SLX9: variants seen among roughly 807,000 people sequenced by gnomAD.
SLX9 encodes the protein ribosome biogenesis protein SLX9 homolog.
A neutral mutation model predicts 20.8 loss-of-function variants in SLX9; 19 were observed. The ratio of observed to expected loss-of-function variants is 0.91; its 90% CI spans 0.64 to 1.34. The LOEUF (loss-of-function observed/expected upper bound fraction) is 1.34, where lower values mean the gene tolerates loss of function less well. SLX9 is among the 40% of genes most tolerant of loss of function. The probability of loss-of-function intolerance (pLI) is 0.00; values close to 1 mark genes in which losing one functional copy is unlikely to be tolerated. For synonymous variants in SLX9, 113 were observed against 137.1 expected (o/e 0.82, Z 1.23); for missense variants, 299 against 322.2 (o/e 0.93, Z 0.55).
intron 2 of SLX9, among the ~76,000 whole-genome samples, chr21:44,948,956 C>T (rs1003400795): frequency 1.4e-4 from 21 of 152,344 alleles, no homozygotes; most frequent in African/African-American, 4.3e-4. Flanking sequence ...CCTCAGCCCC[C>T]GCCTTGGCTT....
chr21:44,961,590 A>G (rs1381932599), intron 3 of SLX9, among the ~76,000 whole-genome samples: 1 of 152,196 alleles, frequency 6.6e-6, no homozygotes, highest in African/African-American at 2.4e-5. Context: ...TTGTCTCTAA[A>G]TAATGTTAAT....
At chr21:44,964,742 G>A (rs1289288435) in intron 3 of SLX9, among the ~76,000 whole-genome samples, 3 of 152,152 alleles carry the variant, frequency 2.0e-5, no homozygotes, top group Non-Finnish European at 4.4e-5. Flanking sequence ...TCGAACACTC[G>A]ATATTATGAA....
chr21:44,971,736 C>A (rs59163354), intron 4 of SLX9, among the ~76,000 whole-genome samples: 1 of 152,068 alleles, frequency 6.6e-6, no homozygotes, highest in African/African-American at 2.4e-5. Flanking sequence ...AGGATGGGGA[C>A]CGGGGACAGC....
chr21:44,943,034 C>T (rs766199068), intron 1 of SLX9, among the ~76,000 whole-genome samples: 2 of 152,168 alleles, frequency 1.3e-5, no homozygotes, highest in Non-Finnish European at 2.9e-5. Context: ...CGTATTCTGA[C>T]CCCCTTCAGA....
intron 2 of SLX9, among the ~76,000 whole-genome samples, chr21:44,951,019 G>A (rs570383959): frequency 5.3e-4 from 81 of 152,246 alleles, no homozygotes; most frequent in Non-Finnish European, 1.0e-3. Flanking sequence ...TACACGTGTC[G>A]TGGGCACAGT....
intron 5 of SLX9, among the ~76,000 whole-genome samples, chr21:44,973,740 G>A (rs1317766024): frequency 6.6e-6 from 1 of 151,012 alleles, no homozygotes; most frequent in Non-Finnish European, 1.5e-5. Flanking sequence ...CCTCCAGCCT[G>A]CCCTCCCAGG....
At chr21:44,939,992 G>T, upstream of SLX9, 1 of 1,357,538 alleles carries the variant, frequency 7.4e-7, no homozygotes, top group Non-Finnish European at 9.5e-7. Context: ...GTTTCCGCCG[G>T]GCGGCGAGAA....
intron 2 of SLX9, among the ~76,000 whole-genome samples, chr21:44,954,450 G>T (rs1222546901): frequency 6.6e-6 from 1 of 152,182 alleles, no homozygotes; most frequent in Non-Finnish European, 1.5e-5. Flanking sequence ...GAGGGTGGGG[G>T]CTGCCCGATG....
intron 3 of SLX9, among the ~76,000 whole-genome samples, 195 bp from the exon 4 acceptor site, chr21:44,966,837 GCT>G (rs1183158288): frequency 6.6e-6 from 1 of 152,246 alleles, no homozygotes; most frequent in Non-Finnish European, 1.5e-5. Flanking sequence ...AAAAAGCGCA[GCT>G]CTGTCATTAA....
At position 44,970,547 on chromosome 21, in the gene SLX9, G is replaced by A. The variant is rs933266777; in HGVS notation, c.501-2650G>A. ...TGTGAGACCCTGAGATCTGGGGCTCGGTGCGCCTGTCCCAGGATCTGGGGT... is the reference window on the plus strand; with the variant it reads ...TGTGAGACCCTGAGATCTGGGGCTCAGTGCGCCTGTCCCAGGATCTGGGGT... On this transcript the variant is annotated intron_variant, in intron 4 of 5. Coordinates refer to ENST00000291634, the MANE Select transcript of SLX9 (RefSeq NM_058190.4). Among the ~76,000 whole-genome samples, 6 of 152,314 alleles carry A rather than the reference G, an allele frequency of 3.9e-5. No homozygotes were observed. The East Asian group carries it at 5.8e-4, about 15-fold the overall frequency.
rs144185808 is a variant in SLX9 at position 44,958,896 on chromosome 21, G to A, written c.284-1204G>A. 8.0e-3 allele frequency among the ~76,000 whole-genome samples: 1,213 copies of A among 152,352 alleles called. 14 individuals carry two copies. Among genetic ancestry groups the A allele is most frequent in the Non-Finnish European group, 0.013 (860 of 68,038 alleles). ...CTGACCTGGCCTGCGCCCAGGCCTC[G>A]TTTTCTTCATTCCAACACAACACAG... On this transcript the variant is annotated intron_variant, in intron 2 of 5. Transcript: ENST00000291634.
intron 2 of SLX9, among the ~76,000 whole-genome samples, chr21:44,951,255 G>C (rs1480509402): frequency 6.6e-6 from 1 of 152,134 alleles, no homozygotes; most frequent in Non-Finnish European, 1.5e-5. Context: ...TCTCCTGGTG[G>C]CGCTGAAGCC....
rs577010617 is a variant in SLX9, at chr21:44,966,710, C to T, written c.353-324C>T. On this transcript the variant is annotated intron_variant, in intron 3 of 5. Transcript: ENST00000291634. ...CCTTTTCCTCATTCCCCTCTGTCCCCTCTGCTCGGTGGCTGTGTGCACTCC... is the reference window on the plus strand; with the variant it reads ...CCTTTTCCTCATTCCCCTCTGTCCCTTCTGCTCGGTGGCTGTGTGCACTCC... Among the ~76,000 whole-genome samples the T allele has an allele frequency of 1.1e-4, 16 of 152,372 alleles. No homozygotes were observed. The South Asian group carries it at 3.3e-3, about 32-fold the overall frequency.
At chr21:44,968,750 G>A (rs394531) in intron 4 of SLX9, among the ~76,000 whole-genome samples, 117,324 of 145,136 alleles carry the variant, frequency 0.81, 47,585 homozygotes, top group South Asian at 0.84. Context: ...TGTCATCTCT[G>A]TGCTTTTTTT....
intron 4 of SLX9, among the ~76,000 whole-genome samples, chr21:44,972,849 G>A (rs1568947533): frequency 3.3e-5 from 5 of 152,022 alleles, no homozygotes; most frequent in South Asian, 4.2e-4. Flanking sequence ...GCTGTATATC[G>A]TGAGACGTGT....
At position 44,966,891 on chromosome 21, in the gene SLX9, C is replaced by T. The variant is rs8131658; in HGVS notation, c.353-143C>T. On this transcript the variant is annotated intron_variant, in intron 3 of 5. Transcript: ENST00000291634. ...CAAGCCTGCCCGCCCTGCAGGTTCCCAGGGGCGGAATGGGGGTGACAGCGG... is the reference window on the plus strand; with the variant it reads ...CAAGCCTGCCCGCCCTGCAGGTTCCTAGGGGCGGAATGGGGGTGACAGCGG... 4,925 of 1,067,750 alleles carry T rather than the reference C, an allele frequency of 4.6e-3. 158 individuals carry two copies. The African/African-American group carries it at 0.07, about 15-fold the overall frequency. The allele number at this position is 1,067,750 out of a possible 1,614,324, so 66.1% of individuals were successfully genotyped here. A position where few individuals can be genotyped will look rare whatever the true frequency, so the allele number is the denominator to read the frequency against.
chr21:44,953,685 G>A (rs1432262018), intron 2 of SLX9, among the ~76,000 whole-genome samples: 1 of 152,204 alleles, frequency 6.6e-6, no homozygotes, highest in Non-Finnish European at 1.5e-5. Flanking sequence ...GCCAGGTGTG[G>A]CTCAGGAGGC....
chr21:44,953,089 G>T (rs1033849497), intron 2 of SLX9, among the ~76,000 whole-genome samples: 1 of 152,176 alleles, frequency 6.6e-6, no homozygotes, highest in South Asian at 2.1e-4. Flanking sequence ...ATCCCACCTG[G>T]TGTGTTTTCC....
intron 4 of SLX9, among the ~76,000 whole-genome samples, chr21:44,971,821 C>T (rs1281281964): frequency 6.6e-6 from 1 of 152,160 alleles, no homozygotes; most frequent in Non-Finnish European, 1.5e-5. Context: ...GGGGGCAGAG[C>T]TTCTGCATCG....
Sources: gnomAD v4.1 joint callset for allele counts (sites outside exome capture counted in the v4.1 genomes callset) on GRCh38, gnomAD v4.1.1 for gene constraint, MANE v1.5 for transcripts, NCBI Gene and HGNC (gene_info 2026-07-23, HGNC 2026-07-21) for gene names.